Variants in PADI1 observed in about 807,000 individuals in gnomAD.
PADI1 encodes protein-arginine deiminase type-1.
PADI1 carries 65 observed loss-of-function variants against 74.8 expected under a neutral mutation model. The ratio of observed to expected loss-of-function variants is 0.87; its 90% CI spans 0.71 to 1.07. The LOEUF is 1.07. Ranked by LOEUF, PADI1 falls within the 50% of genes least tolerant of loss-of-function variation. The probability of loss-of-function intolerance (pLI) is 0.00; values close to 1 mark genes in which losing one functional copy is unlikely to be tolerated. For missense variants in PADI1, 943 were observed against 854.0 expected (o/e 1.10, Z -1.30); for synonymous variants, 371 against 336.2 (o/e 1.10, Z -1.13).
rs566685632 is a variant in PADI1, at chr1:17,230,818, A to G, written c.1161+139A>G. On this transcript the variant is annotated intron_variant, in intron 10 of 15. Transcript: ENST00000375471. Reference sequence around the variant, plus strand: ...AGAAGGATACAGGAGGTGGGATGTCAGCAAACTGGGGAGCCAGTGCGGAGT... The same window carrying G: ...AGAAGGATACAGGAGGTGGGATGTCGGCAAACTGGGGAGCCAGTGCGGAGT... 5 of 606,060 alleles carry G rather than the reference A, an allele frequency of 8.3e-6. No individual in the cohort carries two copies. The African/African-American group carries it at 9.7e-5, about 12-fold the overall frequency. 37.5% of individuals were successfully genotyped at this position (606,060 alleles called of 1,614,324 possible).
Position 17,230,637 on chromosome 1 carries a change from C to G in PADI1, c.1119C>G (p.Pro373=). The G allele has an allele frequency of 1.2e-6, 2 of 1,611,882 alleles. No individual in the cohort carries two copies. The highest frequency in any genetic ancestry group is 1.1e-5 in the South Asian group (1 of 90,802). ...HKSFPVVFDS[P]RNRGLKDFPY... ...CCTTCCCCGTGGTCTTTGACTCCCC[C>G]AGGAACAGGGGCCTGAAAGATTTCC... The change falls in exon 10 of 16, where the codon CCC becomes CCG. Residue 373 remains proline, a synonymous_variant. Coordinates refer to ENST00000375471, the MANE Select transcript of PADI1 (RefSeq NM_013358.3).
intron 4 of PADI1, among the ~76,000 whole-genome samples, chr1:17,225,250 T>C (rs976737776): frequency 1.4e-4 from 22 of 152,292 alleles, no homozygotes; most frequent in Admixed American, 9.8e-4. Context: ...AAGCCCTGCC[T>C]TGTGGGTCTG....
intron 14 of PADI1, chr1:17,240,119 C>G: frequency 3.3e-6 from 1 of 305,328 alleles, no homozygotes; most frequent in South Asian, 4.5e-5. Flanking sequence ...CTTGAGGGGC[C>G]CAGAGGTGGG....
At chr1:17,239,196 G>A (rs1384731264) in intron 13 of PADI1, among the ~76,000 whole-genome samples, 4 of 152,158 alleles carry the variant, frequency 2.6e-5, no homozygotes, top group Admixed American at 6.5e-5. Flanking sequence ...CAGCCTCAGT[G>A]TTCTCATCTG....
At chr1:17,227,023 C>T (rs1456675892) in intron 6 of PADI1, among the ~76,000 whole-genome samples, 8 of 147,286 alleles carry the variant, frequency 5.4e-5, no homozygotes, top group Admixed American at 5.4e-4. Flanking sequence ...CAGAGTGAGA[C>T]TCTGTCTAAA....
rs1184962531 is a variant in PADI1, at chr1:17,225,921, G to A, written c.519G>A (p.Ser173=). Reference sequence around the variant, plus strand: ...ACCTCACCCACAGCTGGCTGATGTCGCTGGCTGGTGAGTGACACAAGGTGT... The same window carrying A: ...ACCTCACCCACAGCTGGCTGATGTCACTGGCTGGTGAGTGACACAAGGTGT... ...EPDLTHSWLM[S]LADLQDMSPM... Residue 173 remains serine, a synonymous_variant, in exon 5 of 16, where the codon TCG becomes TCA. Coordinates refer to ENST00000375471, the MANE Select transcript of PADI1 (RefSeq NM_013358.3). 9.3e-6 allele frequency: 15 copies of A among 1,613,568 alleles called. No individual in the cohort carries two copies. Among genetic ancestry groups the A allele is most frequent in the African/African-American group, 2.7e-5 (2 of 75,030 alleles).
chr1:17,223,306 G>A (rs925882137), intron 2 of PADI1, among the ~76,000 whole-genome samples: 48 of 152,308 alleles, frequency 3.2e-4, no homozygotes, highest in African/African-American at 1.1e-3. Flanking sequence ...AGTCGATGGA[G>A]CCGGCTGCTC....
chr1:17,216,952 C>T (rs1376716994), intron 1 of PADI1, among the ~76,000 whole-genome samples: 1 of 151,130 alleles, frequency 6.6e-6, no homozygotes, highest in Non-Finnish European at 1.5e-5. Context: ...AGAGTTCTAA[C>T]CATATTGATG....
intron 8 of PADI1, 47 bp downstream of exon 8, chr1:17,229,098 G>T: frequency 8.1e-7 from 1 of 1,233,074 alleles, no homozygotes; most frequent in Non-Finnish European, 1.2e-6. Flanking sequence ...GAGTGCAGAG[G>T]TAGGGACAGA....
intron 8 of PADI1, 126 bp from the exon 9 acceptor site, chr1:17,229,959 C>G: frequency 2.4e-6 from 2 of 834,762 alleles, no homozygotes; most frequent in Non-Finnish European, 3.8e-6. Context: ...ATGAGCCTCT[C>G]AAGGTCATGA....
chr1:17,224,998 G>T (rs556941415), intron 4 of PADI1, among the ~76,000 whole-genome samples: 1 of 152,316 alleles, frequency 6.6e-6, no homozygotes, highest in Admixed American at 6.5e-5. Context: ...GGGCAGGGCT[G>T]CCATGGATGG....
intron 6 of PADI1, among the ~76,000 whole-genome samples, chr1:17,227,030 T>TA (rs778670380): frequency 0.023 from 2,889 of 125,578 alleles, 49 homozygotes; most frequent in African/African-American, 0.049. Context: ...AGACTCTGTC[T>TA]AAAAAAAAAA....
chr1:17,239,187 A>G (rs1389331441), intron 13 of PADI1, among the ~76,000 whole-genome samples: 1 of 152,140 alleles, frequency 6.6e-6, no homozygotes, highest in Non-Finnish European at 1.5e-5. Context: ...TCCTTATCAC[A>G]GCCTCAGTGT....
intron 11 of PADI1, among the ~76,000 whole-genome samples, chr1:17,236,969 G>A (rs1432599115): frequency 1.3e-5 from 2 of 152,238 alleles, no homozygotes; most frequent in Non-Finnish European, 2.9e-5. Flanking sequence ...CTGGAGCCAA[G>A]TGAGCAAGGA....
chr1:17,232,668 T>G, intron 10 of PADI1, 151 bp from the exon 11 acceptor site: 1 of 587,770 alleles, frequency 1.7e-6, no homozygotes, highest in African/African-American at 1.9e-5. Flanking sequence ...CCAGGGGGGA[T>G]TTGTAAAAAG....
chr1:17,210,092 G>A (rs757355414), intron 1 of PADI1, among the ~76,000 whole-genome samples: 6 of 152,010 alleles, frequency 3.9e-5, no homozygotes, highest in African/African-American at 1.2e-4. Flanking sequence ...TGCCCACCTC[G>A]GCCTCCCAAA....
At chr1:17,212,243 C>T (rs933729295) in intron 1 of PADI1, among the ~76,000 whole-genome samples, 3 of 152,224 alleles carry the variant, frequency 2.0e-5, no homozygotes, top group African/African-American at 7.2e-5. Context: ...CATTCCAGGA[C>T]ACCTAGCGGC....
Position 17,240,621 on chromosome 1 carries a change from G to A in PADI1, c.1633-14G>A. The A allele has an allele frequency of 6.2e-7, 1 of 1,613,296 alleles. No individual in the cohort carries two copies. Among genetic ancestry groups the A allele is most frequent in the African/African-American group, 1.3e-5 (1 of 75,058 alleles). On this transcript the variant is annotated splice_polypyrimidine_tract_variant and intron_variant, in intron 14 of 15. Transcript: ENST00000375471. ...CTTCCTAGTCCTGGGCTGCCCAGCT[G>A]CCTCCTTCCCCAGAAATGCATTGAC...
rs2072851602 is a variant in PADI1 at position 17,244,804 on chromosome 1, T to A, written c.*561T>A. ...CCATCCAGCACCCTTCAGCTGTGTG[T>A]GGACAAACAAGGACAGAAAAACCCA... On this transcript the variant is annotated 3_prime_UTR_variant, in exon 16 of 16. Transcript: ENST00000375471. 1 of 235,330 alleles carries A rather than the reference T, an allele frequency of 4.2e-6. No individual in the cohort carries two copies. The highest frequency in any genetic ancestry group is 8.5e-6 in the Non-Finnish European group (1 of 117,368). 14.6% of individuals were successfully genotyped at this position (235,330 alleles called of 1,614,324 possible). A position where few individuals can be genotyped will look rare whatever the true frequency, so the allele number is the denominator to read the frequency against.
Sources: allele counts gnomAD v4.1 joint callset (sites outside exome capture counted in the v4.1 genomes callset), GRCh38; gene constraint gnomAD v4.1.1; transcripts MANE v1.5; gene names NCBI Gene and HGNC (gene_info 2026-07-23, HGNC 2026-07-21).